Variants in PIP5K1B observed in about 807,000 individuals in gnomAD.
PIP5K1B encodes phosphatidylinositol 4-phosphate 5-kinase type-1 beta.
In PIP5K1B, 42 loss-of-function variants were observed where a neutral mutation model predicts 67.0. The ratio of observed to expected loss-of-function variants is 0.63; its 90% CI spans 0.49 to 0.81. The LOEUF (loss-of-function observed/expected upper bound fraction) is 0.81. Ranked by LOEUF, PIP5K1B falls within the 30% of genes least tolerant of loss-of-function variation. PIP5K1B has a pLI of 0.00. For synonymous variants in PIP5K1B, 214 were observed against 231.4 expected, an observed-to-expected ratio of 0.92 and a Z score of 0.68; for missense variants, 459 against 646.3, an observed-to-expected ratio of 0.71 and a Z score of 3.14.
intron 4 of PIP5K1B, among the ~76,000 whole-genome samples, chr9:68,834,494 G>T (rs1438560629): frequency 6.6e-6 from 1 of 152,200 alleles, no homozygotes; most frequent in African/African-American, 2.4e-5. Flanking sequence ...ACTGTGAGTG[G>T]CTGGGGAGCA....
At chr9:68,945,006 C>A (rs1827731582) in intron 14 of PIP5K1B, among the ~76,000 whole-genome samples, 1 of 151,964 alleles carries the variant, frequency 6.6e-6, no homozygotes, top group African/African-American at 2.4e-5. Context: ...CCTCCAAAAA[C>A]ATACAAGGTT....
intron 14 of PIP5K1B, among the ~76,000 whole-genome samples, chr9:68,967,851 G>C (rs1464076204): frequency 6.6e-6 from 1 of 152,086 alleles, no homozygotes; most frequent in Non-Finnish European, 1.5e-5. Flanking sequence ...AGAGTATGAT[G>C]AGCCTACATT....
chr9:68,933,099 CAAA>C (rs200948074), intron 12 of PIP5K1B, among the ~76,000 whole-genome samples: 1 of 98,082 alleles, frequency 1.0e-5, no homozygotes. Context: ...AACTCCGTCT[CAAA>C]AAAAAAAAAA....
intron 5 of PIP5K1B, among the ~76,000 whole-genome samples, chr9:68,865,311 A>C: frequency 6.6e-6 from 1 of 152,098 alleles, no homozygotes; most frequent in East Asian, 1.9e-4. Context: ...AAAAAAAAAA[A>C]ATGTATATTA....
At chr9:68,958,815 G>A (rs1165443916) in intron 14 of PIP5K1B, among the ~76,000 whole-genome samples, 1 of 152,122 alleles carries the variant, frequency 6.6e-6, no homozygotes, top group Non-Finnish European at 1.5e-5. Flanking sequence ...ATTAACTTTG[G>A]ATATTTAGAA....
intron 8 of PIP5K1B, among the ~76,000 whole-genome samples, chr9:68,909,325 A>G (rs1413735078): frequency 6.6e-6 from 1 of 151,908 alleles, no homozygotes; most frequent in African/African-American, 2.4e-5. Context: ...CTCTTCCCAT[A>G]TAATTTGAAA....
intron 8 of PIP5K1B, among the ~76,000 whole-genome samples, chr9:68,903,743 T>C (rs1825477263): frequency 6.6e-6 from 1 of 152,230 alleles, no homozygotes; most frequent in South Asian, 2.1e-4. Flanking sequence ...GACTTTCTAC[T>C]AAGTAAGACA....
At chr9:68,837,954 T>C (rs1029130803) in intron 4 of PIP5K1B, among the ~76,000 whole-genome samples, 7 of 152,062 alleles carry the variant, frequency 4.6e-5, no homozygotes, top group Non-Finnish European at 2.9e-5. Context: ...TTTATGTATT[T>C]ATTGTCTTTT....
intron 2 of PIP5K1B, among the ~76,000 whole-genome samples, chr9:68,750,266 A>G (rs1829555242): frequency 1.3e-5 from 2 of 152,178 alleles, no homozygotes; most frequent in Admixed American, 6.5e-5. Flanking sequence ...TCCTTCCTTC[A>G]TTGCCCTCCC....
chr9:68,888,035 A>G lies in PIP5K1B; in HGVS notation c.319-946A>G, dbSNP rs550322851. On this transcript the variant is annotated intron_variant, in intron 6 of 15. Transcript: ENST00000265382. The stretch of plus-strand genomic sequence containing the variant: ...GCTCTGTCGCCCAGGCTGGAGTGCA[A>G]TGGTGTGATCTTGACTCACTGCAAC... 2.1e-4 allele frequency among the ~76,000 whole-genome samples: 31 copies of G among 147,850 alleles called. 1 individual carries two copies. In the South Asian group the frequency reaches 4.9e-3, roughly 23 times the overall value.
intron 14 of PIP5K1B, among the ~76,000 whole-genome samples, chr9:68,969,371 A>C (rs1829231548): frequency 6.7e-6 from 1 of 150,078 alleles, no homozygotes; most frequent in Admixed American, 6.6e-5. Flanking sequence ...CCACCTCAAA[A>C]AAAAAAAAAA....
chr9:68,707,377 C>G (rs1188691455), intron 1 of PIP5K1B, among the ~76,000 whole-genome samples: 1 of 152,120 alleles, frequency 6.6e-6, no homozygotes, highest in Non-Finnish European at 1.5e-5. Flanking sequence ...CTGAGGGAGG[C>G]AGGGCAAAGA....
At chr9:68,982,893 A>G (rs552364873) in intron 14 of PIP5K1B, among the ~76,000 whole-genome samples, 19 of 152,172 alleles carry the variant, frequency 1.2e-4, no homozygotes, top group South Asian at 2.1e-4. Flanking sequence ...TGATAATTAC[A>G]TTTCATTATT....
intron 1 of PIP5K1B, among the ~76,000 whole-genome samples, chr9:68,710,668 C>G (rs188964096): frequency 1.3e-5 from 2 of 152,132 alleles, no homozygotes; most frequent in African/African-American, 4.8e-5. Context: ...GTGATTGGGA[C>G]AAGGTTGCAT....
intron 8 of PIP5K1B, among the ~76,000 whole-genome samples, chr9:68,909,673 C>A (rs1369904271): frequency 1.3e-5 from 2 of 152,180 alleles, no homozygotes; most frequent in African/African-American, 4.8e-5. Flanking sequence ...TAACACACTC[C>A]TCTCTTGTGC....
At chr9:68,803,105 T>A (rs1832690330) in intron 2 of PIP5K1B, among the ~76,000 whole-genome samples, 2 of 152,110 alleles carry the variant, frequency 1.3e-5, no homozygotes, top group Non-Finnish European at 2.9e-5. Context: ...ATTGATAGGT[T>A]GTGGGGAGGA....
At chr9:68,854,520 A>G (rs1472757540) in intron 4 of PIP5K1B, among the ~76,000 whole-genome samples, 2 of 152,180 alleles carry the variant, frequency 1.3e-5, no homozygotes, top group African/African-American at 2.4e-5. Context: ...CCCAGAATAC[A>G]TTTAGAGGAA....
At chr9:68,885,659 T>C (rs766789848) in intron 6 of PIP5K1B, among the ~76,000 whole-genome samples, 18 of 151,164 alleles carry the variant, frequency 1.2e-4, no homozygotes, top group Non-Finnish European at 2.4e-4. Context: ...TGCAGAGTGG[T>C]ATAATGGACA....
rs771068642 is a variant in PIP5K1B at position 68,991,104 on chromosome 9, G to A, written c.1503-36G>A. The A allele has an allele frequency of 7.6e-6, 9 of 1,187,408 alleles. 1 individual carries two copies. In the South Asian group the frequency reaches 1.1e-4, roughly 14 times the overall value. 73.6% of individuals were successfully genotyped at this position (1,187,408 alleles called of 1,614,324 possible). A position where few individuals can be genotyped will look rare whatever the true frequency, so the allele number is the denominator to read the frequency against. Reference sequence around the variant, plus strand: ...GAGGTGTCTTTAGATTTTGTTCTGGGGGCCTCATGCCCATCATTCATCTTT... The same window carrying A: ...GAGGTGTCTTTAGATTTTGTTCTGGAGGCCTCATGCCCATCATTCATCTTT... On this transcript the variant is annotated intron_variant, in intron 14 of 15. Transcript: ENST00000265382.
Sources: gnomAD v4.1 joint callset for allele counts (sites outside exome capture counted in the v4.1 genomes callset) on GRCh38, gnomAD v4.1.1 for gene constraint, MANE v1.5 for transcripts, NCBI Gene and HGNC (gene_info 2026-07-23, HGNC 2026-07-21) for gene names.